FOXP2: variants seen among roughly 807,000 people sequenced by gnomAD.
The protein encoded by FOXP2 is forkhead box P2.
FOXP2 carries 12 observed loss-of-function variants against 115.8 expected under a neutral mutation model. That is an observed-to-expected ratio of 0.10 (90% CI 0.07 to 0.17). The LOEUF is 0.17. FOXP2 is among the 10% of genes least tolerant of loss of function. The pLI, the probability that FOXP2 is intolerant of heterozygous loss-of-function variation, is 1.00. For synonymous variants in FOXP2, 328 were observed against 297.7 expected (o/e 1.10, Z -1.05); for missense variants, 629 against 843.5 (o/e 0.75, Z 3.15).
At chr7:114,681,500 G>A (rs1288473492) in intron 16 of FOXP2, among the ~76,000 whole-genome samples, 1 of 152,162 alleles carries the variant, frequency 6.6e-6, no homozygotes, top group African/African-American at 2.4e-5. Context: ...ATCAATGCAT[G>A]TGTGTTAATG....
intron 2 of FOXP2, among the ~76,000 whole-genome samples, chr7:114,492,565 C>T (rs996831459): frequency 6.6e-6 from 1 of 152,016 alleles, no homozygotes; most frequent in Non-Finnish European, 1.5e-5. Context: ...ATAAATTTCC[C>T]TCCACACACT....
At chr7:114,347,649 CA>C (rs1345896842) in intron 2 of FOXP2, among the ~76,000 whole-genome samples, 1 of 151,942 alleles carries the variant, frequency 6.6e-6, no homozygotes, top group African/African-American at 2.4e-5. Context: ...ATACCTCAAG[CA>C]AGGTAGTTCA....
At chr7:114,137,560 A>T (rs1006248325) in intron 1 of FOXP2, among the ~76,000 whole-genome samples, 1 of 152,134 alleles carries the variant, frequency 6.6e-6, no homozygotes, top group African/African-American at 2.4e-5. Flanking sequence ...TTTGAGTTCA[A>T]TTTAATTCTA....
At position 114,137,790 on chromosome 7, in the gene FOXP2, A is replaced by G. The variant is rs114997442; in HGVS notation, c.-246-25154A>G. 4.4e-3 allele frequency among the ~76,000 whole-genome samples: 667 copies of G among 152,316 alleles called. 9 individuals are homozygous for G. The highest frequency in any genetic ancestry group is 0.014 in the African/African-American group (595 of 41,568). ...ACTTGGAGACTTTAGCTTAATATAA[A>G]TACAAATGATTACATACAGCAATGT... On this transcript the variant is annotated intron_variant, in intron 1 of 19. Transcript: ENST00000635638.
At chr7:114,443,492 C>T (rs1227062117) in intron 2 of FOXP2, among the ~76,000 whole-genome samples, 5 of 151,908 alleles carry the variant, frequency 3.3e-5, no homozygotes, top group Non-Finnish European at 7.4e-5. Flanking sequence ...TTGTGTGTCA[C>T]GGCGTTTTAG....
At chr7:114,472,834 T>G (rs1796108325) in intron 2 of FOXP2, among the ~76,000 whole-genome samples, 1 of 152,162 alleles carries the variant, frequency 6.6e-6, no homozygotes, top group Non-Finnish European at 1.5e-5. Flanking sequence ...AAAATGTATG[T>G]GTGAGTGTGT....
At chr7:114,093,242 T>C (rs906101141) in intron 1 of FOXP2, among the ~76,000 whole-genome samples, 2 of 152,172 alleles carry the variant, frequency 1.3e-5, no homozygotes, top group African/African-American at 2.4e-5. Context: ...TCTGGAATGA[T>C]CTATCCTCCT....
intron 3 of FOXP2, among the ~76,000 whole-genome samples, chr7:114,578,654 T>A (rs1801692730): frequency 6.6e-6 from 1 of 152,116 alleles, no homozygotes; most frequent in Non-Finnish European, 1.5e-5. Flanking sequence ...TGATCACATT[T>A]ACCTATGAAA....
intron 3 of FOXP2, among the ~76,000 whole-genome samples, chr7:114,577,105 T>C (rs1308545107): frequency 6.6e-6 from 1 of 151,970 alleles, no homozygotes; most frequent in Non-Finnish European, 1.5e-5. Flanking sequence ...TTGTTATGCA[T>C]AGGATTAAAA....
chr7:114,647,614 A>G (rs562732519), intron 8 of FOXP2, among the ~76,000 whole-genome samples: 11 of 152,092 alleles, frequency 7.2e-5, no homozygotes, highest in African/African-American at 2.6e-4. Flanking sequence ...AGGTGTTGAC[A>G]GAAGCTAACC....
intron 2 of FOXP2, among the ~76,000 whole-genome samples, chr7:114,382,795 G>T (rs1002246949): frequency 2.6e-5 from 4 of 152,184 alleles, no homozygotes. Flanking sequence ...AGAGTCAGGT[G>T]ACAGGGAGGT....
intron 6 of FOXP2, 61 bp from the exon 7 acceptor site, chr7:114,642,349 C>CT: frequency 7.7e-7 from 1 of 1,300,642 alleles, no homozygotes; most frequent in Non-Finnish European, 1.1e-6. Context: ...TAACACAAAG[C>CT]TCATTATATA....
chr7:114,511,943 A>C (rs1019693048), intron 2 of FOXP2, among the ~76,000 whole-genome samples: 2 of 152,144 alleles, frequency 1.3e-5, no homozygotes, highest in Non-Finnish European at 2.9e-5. Flanking sequence ...CTATCCAAAA[A>C]ATCTTTTAAA....
chr7:114,580,315 C>T lies in FOXP2; in HGVS notation c.258+45609C>T, dbSNP rs1300375588. Among the ~76,000 whole-genome samples the T allele has an allele frequency of 3.9e-5, 6 of 152,174 alleles. No homozygotes were observed. In the East Asian group the frequency reaches 9.6e-4, roughly 24 times the overall value. ...AAAGAAGGACGGGCACGGTGGCTCA[C>T]GCCTGTAATCCCAGCACTTTGGGAG... On this transcript the variant is annotated intron_variant, in intron 3 of 16. Transcript: ENST00000350908.
At chr7:114,294,643 C>A (rs1325658311) in intron 2 of FOXP2, among the ~76,000 whole-genome samples, 1 of 151,856 alleles carries the variant, frequency 6.6e-6, no homozygotes, top group Admixed American at 6.6e-5. Flanking sequence ...GAGTTAGAGA[C>A]CAGCCTGACC....
At chr7:114,521,745 T>C (rs982028815) in intron 2 of FOXP2, among the ~76,000 whole-genome samples, 13 of 107,960 alleles carry the variant, frequency 1.2e-4, no homozygotes, top group Non-Finnish European at 2.2e-4. Flanking sequence ...GGTAAAAATA[T>C]TTTAATTTAA....
chr7:114,683,725 G>A (rs963071779), intron 16 of FOXP2, among the ~76,000 whole-genome samples: 3 of 152,272 alleles, frequency 2.0e-5, no homozygotes, highest in East Asian at 1.9e-4. Flanking sequence ...AGAGTTGAAA[G>A]GGGAAACACA....
rs373400247 is a variant in FOXP2, at chr7:114,371,134, G to A, written c.-10-55368G>A. Among the ~76,000 whole-genome samples, 8 of 151,910 alleles carry A rather than the reference G, an allele frequency of 5.3e-5. No individual in the cohort carries two copies. The East Asian group carries it at 1.2e-3, about 22-fold the overall frequency. On this transcript the variant is annotated intron_variant, in intron 2 of 17. Coordinates refer to the FOXP2 transcript ENST00000634411. The stretch of plus-strand genomic sequence containing the variant: ...TTTTTTTGAGATAAGGCCTCTTTTG[G>A]CAGTGGTACTGTCAGGGCTAACTAC...
chr7:114,333,528 C>T (rs555419168), intron 2 of FOXP2, among the ~76,000 whole-genome samples: 1 of 152,142 alleles, frequency 6.6e-6, no homozygotes, highest in African/African-American at 2.4e-5. Context: ...CGAGGCGGGC[C>T]GATCATTTGA....
Sources: gnomAD v4.1 joint callset for allele counts (sites outside exome capture counted in the v4.1 genomes callset) on GRCh38, gnomAD v4.1.1 for gene constraint, MANE v1.5 for transcripts, NCBI Gene and HGNC (gene_info 2026-07-23, HGNC 2026-07-21) for gene names.